CPXM2: variants seen among roughly 807,000 people sequenced by gnomAD.
The protein encoded by CPXM2 is inactive carboxypeptidase-like protein X2.
A neutral mutation model predicts 86.1 loss-of-function variants in CPXM2; 66 were observed. The ratio of observed to expected loss-of-function variants is 0.77; its 90% CI spans 0.63 to 0.94. CPXM2 has a LOEUF of 0.94. CPXM2 is among the 40% of genes least tolerant of loss of function. CPXM2 has a pLI of 0.00. For synonymous variants in CPXM2, 388 were observed against 400.2 expected, an observed-to-expected ratio of 0.97 and a Z score of 0.36; for missense variants, 948 against 1,026.3, an observed-to-expected ratio of 0.92 and a Z score of 1.04.
intron 2 of CPXM2, among the ~76,000 whole-genome samples, chr10:123,864,953 C>A (rs1442786613): frequency 6.6e-6 from 1 of 152,188 alleles, no homozygotes; most frequent in Non-Finnish European, 1.5e-5. Context: ...TTCATGGGTG[C>A]ACGTCTAATA....
chr10:123,905,464 C>G (rs1018672450), intron 2 of CPXM2, among the ~76,000 whole-genome samples: 1 of 152,128 alleles, frequency 6.6e-6, no homozygotes, highest in African/African-American at 2.4e-5. Flanking sequence ...TCTGCCAATC[C>G]GGGCATTGGA....
chr10:123,900,051 T>A (rs980835548), intron 2 of CPXM2, among the ~76,000 whole-genome samples: 4 of 151,934 alleles, frequency 2.6e-5, no homozygotes, highest in Admixed American at 6.6e-5. Context: ...ACAAAAAAAA[T>A]TTTTTTTGGA....
At chr10:123,795,358 G>A (rs1847310435) in intron 6 of CPXM2, among the ~76,000 whole-genome samples, 1 of 152,150 alleles carries the variant, frequency 6.6e-6, no homozygotes, top group Non-Finnish European at 1.5e-5. Flanking sequence ...GTCTTAAAAA[G>A]CACCAGCACC....
intron 2 of CPXM2, among the ~76,000 whole-genome samples, chr10:123,866,047 C>T (rs914884096): frequency 3.3e-5 from 5 of 152,182 alleles, no homozygotes; most frequent in Non-Finnish European, 7.3e-5. Context: ...TCTGCTCTTT[C>T]TCTTCCCTCT....
At chr10:123,832,450 G>A (rs1173495159) in intron 4 of CPXM2, among the ~76,000 whole-genome samples, 2 of 152,182 alleles carry the variant, frequency 1.3e-5, no homozygotes, top group Non-Finnish European at 2.9e-5. Context: ...ATTTTACTAT[G>A]AGGCAAAGTA....
chr10:123,842,607 G>T (rs1848410954), intron 3 of CPXM2, 119 bp from the exon 4 acceptor site: 3 of 1,005,340 alleles, frequency 3.0e-6, no homozygotes, highest in Admixed American at 5.4e-5. Flanking sequence ...TGAGGAAGGT[G>T]TTAAAGAAAA....
At chr10:123,934,145 T>A (rs1945693102) in intron 2 of CPXM2, among the ~76,000 whole-genome samples, 1 of 152,172 alleles carries the variant, frequency 6.6e-6, no homozygotes, top group Non-Finnish European at 1.5e-5. Context: ...GGGGAAATGC[T>A]GGCAGATGCC....
chr10:123,856,481 G>T (rs1238737205), intron 3 of CPXM2, among the ~76,000 whole-genome samples: 1 of 152,210 alleles, frequency 6.6e-6, no homozygotes, highest in Admixed American at 6.5e-5. Context: ...ATTCTTTGGG[G>T]TGGGGCAGGT....
intron 6 of CPXM2, among the ~76,000 whole-genome samples, chr10:123,795,011 C>A (rs1223781069): frequency 1.3e-5 from 2 of 152,204 alleles, no homozygotes; most frequent in Non-Finnish European, 2.9e-5. Flanking sequence ...CTCAAGTGAT[C>A]CACCTGCTTC....
At chr10:123,897,074 C>T (rs918666895) in intron 2 of CPXM2, among the ~76,000 whole-genome samples, 1 of 150,670 alleles carries the variant, frequency 6.6e-6, no homozygotes, top group African/African-American at 2.5e-5. Flanking sequence ...ATGCCCCCCA[C>T]CCACTTTGGC....
chr10:123,854,394 A>ATAATATATATATTATATATAT (rs1848671182), intron 3 of CPXM2, among the ~76,000 whole-genome samples: 14 of 119,974 alleles, frequency 1.2e-4, no homozygotes, highest in African/African-American at 4.0e-4. Flanking sequence ...TAATATATAT[A>ATAATATATATATTATATATAT]TTATATATAT....
Position 123,885,851 on chromosome 10 carries a change from A to T in CPXM2, c.304+5505T>A, listed in dbSNP as rs895066847. ...CCATTGTCCCCACACTAAAGGTGCC[A>T]TGAGCTCTAGCAGCCATGGACACTT... is the stretch of plus-strand genomic sequence containing the variant. On this transcript the variant is annotated intron_variant, in intron 1 of 13. Coordinates refer to ENST00000241305, the MANE Select transcript of CPXM2 (RefSeq NM_198148.3). This position sits in a 1 kb window ranked among gnomAD's most constrained non-coding sequence, Gnocchi z 4.0. 6.6e-6 allele frequency among the ~76,000 whole-genome samples: 1 copy of T among 152,248 alleles called. No homozygotes were observed. The highest frequency in any genetic ancestry group is 2.4e-5 in the African/African-American group (1 of 41,472).
intron 1 of CPXM2, among the ~76,000 whole-genome samples, chr10:123,881,855 T>C (rs1387372439): frequency 1.3e-5 from 2 of 152,224 alleles, no homozygotes; most frequent in Admixed American, 1.3e-4. Context: ...GGATGATGTC[T>C]GGCTTTGCTC....
chr10:123,845,113 C>T (rs2134160718), intron 3 of CPXM2, among the ~76,000 whole-genome samples: 1 of 151,484 alleles, frequency 6.6e-6, no homozygotes, highest in Non-Finnish European at 1.5e-5. Context: ...ATCTCCACCC[C>T]CACTCCACAG....
rs1331357581 is a variant in CPXM2, at chr10:123,767,093, G to A, written c.1359C>T (p.Asn453=). Reference sequence around the variant, plus strand: ...GCGTGTTTAAATCAGGAAAGTTGTTGTTGATGTCAATTCCATCGTGGGTCC... The same window carrying A: ...GCGTGTTTAAATCAGGAAAGTTGTTATTGATGTCAATTCCATCGTGGGTCC... The part of the protein sequence containing the change: ...GRWTHDGIDI[N]NNFPDLNTLL... The change falls in exon 10 of 14, where the codon AAC becomes AAT. Residue 453 remains asparagine (N), a synonymous_variant. Coordinates refer to ENST00000241305, the MANE Select transcript of CPXM2 (RefSeq NM_198148.3). The A allele has an allele frequency of 6.8e-6, 11 of 1,614,074 alleles. No individual in the cohort carries two copies. Among genetic ancestry groups the A allele is most frequent in the African/African-American group, 1.3e-5 (1 of 74,936 alleles).
chr10:123,752,591 C>T (rs1235384901), intron 13 of CPXM2: 1 of 985,238 alleles, frequency 1.0e-6, no homozygotes, highest in Non-Finnish European at 1.2e-6. Context: ...AGTCTGCTTC[C>T]TGGCAGGTGG....
At chr10:123,747,419 A>G (rs1345099888) in intron 13 of CPXM2, among the ~76,000 whole-genome samples, 1 of 152,248 alleles carries the variant, frequency 6.6e-6, no homozygotes, top group African/African-American at 2.4e-5. Flanking sequence ...CTGCAAGTAC[A>G]CAACAACCAT....
chr10:123,801,102 G>A (rs2134072829), intron 4 of CPXM2, among the ~76,000 whole-genome samples: 1 of 152,300 alleles, frequency 6.6e-6, no homozygotes, highest in East Asian at 1.9e-4. Context: ...GTTTGGCTGT[G>A]TCCTCACCCA....
intron 2 of CPXM2, among the ~76,000 whole-genome samples, chr10:123,930,778 C>A (rs1945661175): frequency 6.6e-6 from 1 of 152,204 alleles, no homozygotes; most frequent in Non-Finnish European, 1.5e-5. Flanking sequence ...TGCTCCAAAG[C>A]CAGGTCATGA....
Sources: gnomAD v4.1 joint callset for allele counts (sites outside exome capture counted in the v4.1 genomes callset) on GRCh38, gnomAD v4.1.1 for gene constraint, Gnocchi (gnomAD v3.1) non-coding constraint, MANE v1.5 for transcripts, NCBI Gene and HGNC (gene_info 2026-07-23, HGNC 2026-07-21) for gene names.